RAB40B: variants seen among roughly 807,000 people sequenced by gnomAD.
The protein encoded by RAB40B is ras-related protein Rab-40B.
In RAB40B, 21 loss-of-function variants were observed where a neutral mutation model predicts 24.0. The observed-to-expected ratio is 0.88, with a 90% CI of 0.62 to 1.26. The LOEUF (loss-of-function observed/expected upper bound fraction) is 1.26, where lower values mean the gene tolerates loss of function less well. RAB40B is among the 50% of genes most tolerant of loss of function. The pLI is 0.00. For synonymous variants in RAB40B, 167 were observed against 169.8 expected (o/e 0.98, Z 0.13); for missense variants, 348 against 390.5 (o/e 0.89, Z 0.92).
At chr17:82,664,689 C>G in intron 1 of RAB40B, 133 bp from the exon 2 acceptor site, 1 of 814,682 alleles carries the variant, frequency 1.2e-6, no homozygotes. Flanking sequence ...ATGGGACCCC[C>G]TCCCTGTGTC....
chr17:82,670,276 C>A (rs2046317022), intron 1 of RAB40B, among the ~76,000 whole-genome samples: 1 of 151,208 alleles, frequency 6.6e-6, no homozygotes, highest in African/African-American at 2.4e-5. Flanking sequence ...CCTCCGCCCA[C>A]CGGGTTCAAG....
chr17:82,687,221 A>G (rs1363428346), intron 1 of RAB40B, among the ~76,000 whole-genome samples: 1 of 152,226 alleles, frequency 6.6e-6, no homozygotes, highest in African/African-American at 2.4e-5. Context: ...GCTGGAAGAA[A>G]CAGACTTTAT....
At chr17:82,688,642 G>A (rs2046526498) in intron 1 of RAB40B, among the ~76,000 whole-genome samples, 1 of 148,084 alleles carries the variant, frequency 6.8e-6, no homozygotes, top group African/African-American at 2.5e-5. Flanking sequence ...TAAACAAATA[G>A]TTTTGTTTGG....
In RAB40B at chr17:82,684,464, C is replaced by T. The variant is rs115806162; in HGVS notation, c.142+13991G>A. 2.1e-3 allele frequency among the ~76,000 whole-genome samples: 315 copies of T among 152,236 alleles called. 2 individuals are homozygous for T. Among genetic ancestry groups the T allele is most frequent in the African/African-American group, 6.4e-3 (264 of 41,524 alleles). ...TACCCAAGTGAAATAAAAACAAGTT[C>T]GCACAAAAACGAGTCATAAACATGC... On this transcript the variant is annotated intron_variant, in intron 1 of 5. Transcript: ENST00000571995.
intron 2 of RAB40B, chr17:82,662,613 G>A (rs967157594): frequency 1.0e-6 from 1 of 985,372 alleles, no homozygotes; most frequent in Non-Finnish European, 1.2e-6. Flanking sequence ...GGGGTCCACG[G>A]TGGGAGTGTG....
chr17:82,676,504 G>T (rs778566656), intron 1 of RAB40B, among the ~76,000 whole-genome samples: 4 of 143,338 alleles, frequency 2.8e-5, no homozygotes, highest in Non-Finnish European at 5.9e-5. Flanking sequence ...ATTCCGTGGC[G>T]AGTCTCTCGG....
In RAB40B at chr17:82,682,439, C is replaced by T. The variant is rs202197961; in HGVS notation, c.142+16016G>A. Among the ~76,000 whole-genome samples, 5 of 152,230 alleles carry T rather than the reference C, an allele frequency of 3.3e-5. No homozygotes were observed. The East Asian group carries it at 9.7e-4, about 29-fold the overall frequency. On this transcript the variant is annotated intron_variant, in intron 1 of 5. Transcript: ENST00000571995. ...AGACCTAAATAAATGGAGAGACATA[C>T]CATGTTCATGATTGACAGAATCAGT...
At chr17:82,678,398 A>G (rs2046416081) in intron 1 of RAB40B, among the ~76,000 whole-genome samples, 1 of 152,224 alleles carries the variant, frequency 6.6e-6, no homozygotes, top group Admixed American at 6.5e-5. Context: ...AACAGGGACA[A>G]AAAGATAATT....
intron 1 of RAB40B, among the ~76,000 whole-genome samples, chr17:82,674,734 C>T (rs909193914): frequency 2.0e-5 from 3 of 152,186 alleles, no homozygotes; most frequent in Admixed American, 6.5e-5. Flanking sequence ...TTGTCACCTG[C>T]GTCACTCTGG....
intron 1 of RAB40B, among the ~76,000 whole-genome samples, chr17:82,690,578 CAG>C (rs1359591399): frequency 6.9e-6 from 1 of 145,980 alleles, no homozygotes; most frequent in Non-Finnish European, 1.5e-5. Context: ...TGCCGGGGAG[CAG>C]AGAGTGTGCA....
rs7224226 is a variant in RAB40B at position 82,657,164 on chromosome 17, A to C, written c.*699T>G. The C allele has an allele frequency of 1, 154,450 of 154,710 alleles. 77,095 individuals are homozygous for C. Among genetic ancestry groups the C allele is most frequent in the Middle Eastern group, 1 (294 of 294 alleles). 9.6% of individuals were successfully genotyped at this position (154,710 alleles called of 1,614,324 possible). A position where few individuals can be genotyped will look rare whatever the true frequency, so the allele number is the denominator to read the frequency against. On this transcript the variant is annotated 3_prime_UTR_variant, in exon 6 of 6. Coordinates refer to ENST00000571995, the MANE Select transcript of RAB40B (RefSeq NM_006822.3). The stretch of plus-strand genomic sequence containing the variant: ...TTTACTGAAACAGCTCTTCCTTGAC[A>C]TGTCGAAACTGTGCTGGCTGTGTTC...
chr17:82,698,417 C>T, intron 1 of RAB40B, 38 bp downstream of exon 1: 3 of 1,256,302 alleles, frequency 2.4e-6, no homozygotes, highest in Non-Finnish European at 3.0e-6. Context: ...TCCCCGGCCC[C>T]GCGCCCGCAC....
At chr17:82,664,276 A>G (rs1322830131) in intron 2 of RAB40B, among the ~76,000 whole-genome samples, 189 of 52,298 alleles carry the variant, frequency 3.6e-3, no homozygotes, top group African/African-American at 5.1e-3. Context: ...TGGTGGGGGG[A>G]GGGTGCTCCC....
At chr17:82,662,436 A>T in intron 2 of RAB40B, 3 of 985,438 alleles carry the variant, frequency 3.0e-6, no homozygotes, top group Non-Finnish European at 3.6e-6. Flanking sequence ...CTCCCTCCTC[A>T]GCTGGGACAA....
intron 1 of RAB40B, among the ~76,000 whole-genome samples, chr17:82,684,987 G>A (rs966240962): frequency 3.3e-5 from 5 of 151,432 alleles, no homozygotes; most frequent in South Asian, 2.1e-4. Context: ...GGTGGCAGGC[G>A]CCTATAATCC....
At chr17:82,689,571 T>C (rs2046534996) in intron 1 of RAB40B, among the ~76,000 whole-genome samples, 2 of 152,226 alleles carry the variant, frequency 1.3e-5, no homozygotes, top group Non-Finnish European at 2.9e-5. Context: ...GGGCTTCTAA[T>C]GGCAAAACTT....
Position 82,698,588 on chromosome 17 carries a change from G to T in RAB40B, c.9C>A (p.Ala3=), listed in dbSNP as rs145916987. 1.1e-5 allele frequency: 16 copies of T among 1,466,108 alleles called. No homozygotes were observed. The African/African-American group carries it at 1.6e-4, about 15-fold the overall frequency. 90.8% of individuals were successfully genotyped at this position (1,466,108 alleles called of 1,614,324 possible). The change falls in exon 1 of 6, where the codon GCC becomes GCA. Residue 3 remains alanine, a synonymous_variant. Coordinates refer to ENST00000571995, the MANE Select transcript of RAB40B (RefSeq NM_006822.3). ...CGTAGGCCCGGACCGGGCTGCCCAG[G>T]GCGCTCATCGTGACGGCCCGGCGCC... MS[A]LGSPVRAYDF...
intron 1 of RAB40B, among the ~76,000 whole-genome samples, chr17:82,669,933 G>A (rs62079744): frequency 2.0e-5 from 3 of 152,152 alleles, no homozygotes; most frequent in Non-Finnish European, 4.4e-5. Context: ...TCCTCAAAGA[G>A]AATTTTGGAA....
Position 82,658,475 on chromosome 17 carries a change from T to C in RAB40B, c.565+16A>G, listed in dbSNP as rs1471547561. 3.1e-6 allele frequency: 5 copies of C among 1,609,904 alleles called. No homozygotes were observed. Among genetic ancestry groups the C allele is most frequent in the Non-Finnish European group, 4.2e-6 (5 of 1,179,270 alleles). ...TGGAGGGCAGAGGTGGCCCCCGGAA[T>C]AGCCCCTGGGCCTACCCTTGCTCGG... On this transcript the variant is annotated intron_variant, in intron 5 of 5. Transcript: ENST00000571995.
Sources: allele counts gnomAD v4.1 joint callset (sites outside exome capture counted in the v4.1 genomes callset), GRCh38; gene constraint gnomAD v4.1.1; transcripts MANE v1.5; gene names NCBI Gene and HGNC (gene_info 2026-07-23, HGNC 2026-07-21).